NFATC1: variants seen among roughly 807,000 people sequenced by gnomAD.
NFATC1 encodes nuclear factor of activated T cells 1.
Under a neutral mutation model 76.0 loss-of-function variants are expected in NFATC1, and 22 were observed. That is an observed-to-expected ratio of 0.29 (90% CI 0.21 to 0.41). The LOEUF (loss-of-function observed/expected upper bound fraction) is 0.41. NFATC1 is among the 10% of genes least tolerant of loss of function. NFATC1 has a pLI of 1.00. For missense variants in NFATC1, 1,357 were observed against 1,337.7 expected (o/e 1.01, Z -0.23); for synonymous variants, 704 against 613.1 (o/e 1.15, Z -2.19).
Position 79,448,698 on chromosome 18 carries a change from C to T in NFATC1, c.1387-84C>T, listed in dbSNP as rs537766521. ...GGCAGGGGGACACAGGCCTCGAACC[C>T]GCCGCAGGTTTTCTCTGCGTTCCGG... On this transcript the variant is annotated intron_variant, in intron 3 of 9. Transcript: ENST00000427363. The T allele has an allele frequency of 5.5e-5, 76 of 1,394,488 alleles. No individual in the cohort carries two copies. In the African/African-American group the frequency reaches 7.9e-4, roughly 15 times the overall value. The allele number at this position is 1,394,488 out of a possible 1,614,324, so 86.4% of individuals were successfully genotyped here.
At position 79,433,745 on chromosome 18, in the gene NFATC1, A is replaced by G. The variant is rs1481426784; in HGVS notation, c.1386+7A>G. ...AGGACACCCCATCGTGCAGGTAGGC[A>G]CTGCGGCCAGACTCGCACGTCACTT... On this transcript the variant is annotated splice_region_variant and intron_variant, in intron 3 of 9. Transcript: ENST00000427363. 2 of 1,607,390 alleles carry G rather than the reference A, an allele frequency of 1.2e-6. No homozygotes were observed. Among genetic ancestry groups the G allele is most frequent in the South Asian group, 1.1e-5 (1 of 90,514 alleles).
intron 2 of NFATC1, among the ~76,000 whole-genome samples, chr18:79,430,583 CTG>C (rs1296561875): frequency 1.3e-5 from 2 of 152,186 alleles, no homozygotes; most frequent in Non-Finnish European, 2.9e-5. Flanking sequence ...GGGTTTCACC[CTG>C]TTGGCCAGGA....
chr18:79,436,462 G>A (rs928147914), intron 3 of NFATC1, among the ~76,000 whole-genome samples: 1 of 152,224 alleles, frequency 6.6e-6, no homozygotes, highest in Non-Finnish European at 1.5e-5. Flanking sequence ...GGGGGCCGGG[G>A]GATGTGGGTG....
intron 2 of NFATC1, among the ~76,000 whole-genome samples, chr18:79,423,900 C>T (rs943954928): frequency 2.0e-5 from 3 of 152,180 alleles, no homozygotes; most frequent in South Asian, 2.1e-4. Context: ...GAGGGTTGGA[C>T]GGGAGCCAGC....
chr18:79,459,478 C>T (rs974540337), intron 6 of NFATC1, among the ~76,000 whole-genome samples: 2 of 152,278 alleles, frequency 1.3e-5, no homozygotes, highest in Non-Finnish European at 2.9e-5. Flanking sequence ...GGCGTCCCCT[C>T]GGGGTGTCAT....
intron 8 of NFATC1, among the ~76,000 whole-genome samples, chr18:79,477,054 C>T (rs1258086319): frequency 1.3e-5 from 2 of 152,214 alleles, no homozygotes; most frequent in Non-Finnish European, 2.9e-5. Flanking sequence ...GTGGATCCCT[C>T]ACCTGCTCTG....
intron 2 of NFATC1, among the ~76,000 whole-genome samples, chr18:79,414,460 T>G (rs917720999): frequency 2.2e-4 from 34 of 152,216 alleles, no homozygotes; most frequent in African/African-American, 8.0e-4. Flanking sequence ...GGCCTTTTGT[T>G]GCTTGTTCAG....
At chr18:79,522,652 G>A (rs757205440) in intron 9 of NFATC1, among the ~76,000 whole-genome samples, 16 of 152,064 alleles carry the variant, frequency 1.1e-4, no homozygotes, top group Non-Finnish European at 2.2e-4. Flanking sequence ...CCTCAGATAC[G>A]CCAAGTTCCG....
intron 6 of NFATC1, among the ~76,000 whole-genome samples, chr18:79,455,431 G>A (rs2087656281): frequency 6.6e-6 from 1 of 152,182 alleles, no homozygotes; most frequent in Non-Finnish European, 1.5e-5. Context: ...GCCTCCCGGG[G>A]CCCCTCTGGG....
intron 9 of NFATC1, among the ~76,000 whole-genome samples, chr18:79,503,920 C>T (rs941208710): frequency 6.6e-5 from 10 of 152,206 alleles, no homozygotes; most frequent in Non-Finnish European, 4.4e-5. Flanking sequence ...TTCCTTCAAC[C>T]TCATGAACTA....
chr18:79,433,848 G>T (rs772463927), intron 3 of NFATC1, 110 bp downstream of exon 3: 15 of 1,384,350 alleles, frequency 1.1e-5, no homozygotes, highest in African/African-American at 1.4e-5. Flanking sequence ...CCAGCTGAAT[G>T]CTCTGTCGTG....
intron 9 of NFATC1, among the ~76,000 whole-genome samples, chr18:79,490,989 A>T (rs531091265): frequency 6.6e-6 from 1 of 151,990 alleles, no homozygotes; most frequent in East Asian, 1.9e-4. Context: ...CTCCATGGAA[A>T]TGCGGGGGTG....
rs775939885 is a variant in NFATC1 at position 79,486,739 on chromosome 18, C to T, written c.2584C>T (p.Gln862Ter). Residue 862 changes from glutamine (Q) to a stop codon, truncating the protein, a stop_gained, in exon 9 of 10, where the codon CAG (glutamine) becomes TAG (stop). Coordinates refer to ENST00000427363, the MANE Select transcript of NFATC1 (RefSeq NM_001278669.2). LOFTEE classifies it high-confidence loss of function. ...PPATQEPTCL[Q>*]PCSPACPPAT... ...TGCCACCCAAGAGCCGACCTGCCTG[C>T]AGCCCTGCAGCCCAGCGTGCCCGCC... The T allele has an allele frequency of 1.9e-6, 3 of 1,599,944 alleles. No homozygotes were observed. The highest frequency in any genetic ancestry group is 2.6e-6 in the Non-Finnish European group (3 of 1,175,046).
At chr18:79,442,570 A>G (rs1017046175) in intron 3 of NFATC1, among the ~76,000 whole-genome samples, 2 of 152,232 alleles carry the variant, frequency 1.3e-5, no homozygotes, top group African/African-American at 4.8e-5. Flanking sequence ...GGGGTCCGGG[A>G]AACAGGCCCT....
Position 79,528,217 on chromosome 18 carries a change from C to T in NFATC1, c.*640C>T, listed in dbSNP as rs991507893. 3.0e-5 allele frequency: 10 copies of T among 328,098 alleles called. No homozygotes were observed. Among genetic ancestry groups the T allele is most frequent in the Non-Finnish European group, 5.5e-5 (10 of 181,846 alleles). 20.3% of individuals were successfully genotyped at this position (328,098 alleles called of 1,614,324 possible). A position where few individuals can be genotyped will look rare whatever the true frequency, so the allele number is the denominator to read the frequency against. On this transcript the variant is annotated 3_prime_UTR_variant, in exon 10 of 10. Transcript: ENST00000427363. ...TTGTAACATGCTTCCCTTGTCTGCG[C>T]GGTTGAAACCGTAGGCTTGTTCATA...
At chr18:79,496,788 C>T (rs2089899109) in intron 9 of NFATC1, 1 of 152,262 alleles carries the variant, frequency 6.6e-6, no homozygotes, top group South Asian at 2.1e-4. Flanking sequence ...TCCATAGTGA[C>T]CTTTTGTACA....
At chr18:79,469,914 C>T (rs534694589) in intron 8 of NFATC1, 8 of 985,524 alleles carry the variant, frequency 8.1e-6, no homozygotes, top group South Asian at 4.7e-5. Context: ...TCAGGCAGAG[C>T]CCCCAGGCTG....
intron 4 of NFATC1, among the ~76,000 whole-genome samples, chr18:79,449,926 G>A (rs1302910720): frequency 2.0e-5 from 3 of 152,226 alleles, no homozygotes; most frequent in African/African-American, 4.8e-5. Context: ...TTCTCTCCAC[G>A]TTGACTTTTC....
intron 8 of NFATC1, among the ~76,000 whole-genome samples, chr18:79,484,037 G>T (rs561425717): frequency 6.6e-6 from 1 of 151,564 alleles, no homozygotes; most frequent in Admixed American, 6.6e-5. Context: ...GGTTCCTGGG[G>T]TGTCATTCCA....
Sources: gnomAD v4.1 joint callset for allele counts (sites outside exome capture counted in the v4.1 genomes callset) on GRCh38, gnomAD v4.1.1 for gene constraint, MANE v1.5 for transcripts, NCBI Gene and HGNC (gene_info 2026-07-23, HGNC 2026-07-21) for gene names.